The following RUNDC3B variants were observed in gnomAD, a reference collection of about 807,000 sequenced individuals.
RUNDC3B encodes RUN domain-containing protein 3B.
A neutral mutation model predicts 58.4 loss-of-function variants in RUNDC3B; 33 were observed. The ratio of observed to expected loss-of-function variants is 0.56; its 90% CI spans 0.43 to 0.75. The LOEUF is 0.75. RUNDC3B is among the 30% of genes least tolerant of loss of function. The probability of loss-of-function intolerance (pLI) is 0.00; values close to 1 mark genes in which losing one functional copy is unlikely to be tolerated. For synonymous variants in RUNDC3B, 193 were observed against 195.2 expected (o/e 0.99, Z 0.10); for missense variants, 501 against 535.7 (o/e 0.94, Z 0.64).
intron 2 of RUNDC3B, among the ~76,000 whole-genome samples, chr7:87,660,908 C>G (rs1300213856): frequency 1.3e-5 from 2 of 151,754 alleles, no homozygotes; most frequent in Non-Finnish European, 2.9e-5. Flanking sequence ...GAGTTATAGT[C>G]AGAATTTGGT....
At position 87,640,925 on chromosome 7, in the gene RUNDC3B, A is replaced by G. The variant is rs559831480; in HGVS notation, c.123-9897A>G. On this transcript the variant is annotated intron_variant, in intron 1 of 10. Coordinates refer to ENST00000394654, the MANE Select transcript of RUNDC3B (RefSeq NM_001134405.2). Reference sequence around the variant, plus strand: ...ATTTTAAAAACCTGTCTTTTTACCTATGTACTTCATTTCTTCTCATCTCTT... The same window carrying G: ...ATTTTAAAAACCTGTCTTTTTACCTGTGTACTTCATTTCTTCTCATCTCTT... 5.3e-5 allele frequency among the ~76,000 whole-genome samples: 8 copies of G among 152,072 alleles called. No individual in the cohort carries two copies. In the South Asian group the frequency reaches 1.5e-3, roughly 28 times the overall value.
At chr7:87,715,068 C>G (rs1260358904) in intron 4 of RUNDC3B, among the ~76,000 whole-genome samples, 1 of 150,962 alleles carries the variant, frequency 6.6e-6, no homozygotes, top group Admixed American at 6.7e-5. Context: ...ACATCTTTCT[C>G]TATTCCTTTC....
chr7:87,664,416 C>T (rs993237602), intron 2 of RUNDC3B, among the ~76,000 whole-genome samples: 1 of 152,062 alleles, frequency 6.6e-6, no homozygotes, highest in African/African-American at 2.4e-5. Flanking sequence ...GATCAATTCT[C>T]AAAGGAATAC....
intron 2 of RUNDC3B, among the ~76,000 whole-genome samples, chr7:87,661,976 T>G (rs2130455825): frequency 6.6e-6 from 1 of 152,248 alleles, no homozygotes; most frequent in African/African-American, 2.4e-5. Context: ...ATCATTGTAC[T>G]TTTGATTTGC....
chr7:87,769,070 A>G (rs1277485366), intron 6 of RUNDC3B, among the ~76,000 whole-genome samples: 6 of 152,030 alleles, frequency 3.9e-5, no homozygotes, highest in Non-Finnish European at 5.9e-5. Context: ...GCACAATCTC[A>G]GCTTACTGCA....
At chr7:87,684,101 TA>T (rs574907890) in intron 2 of RUNDC3B, among the ~76,000 whole-genome samples, 3 of 152,168 alleles carry the variant, frequency 2.0e-5, no homozygotes, top group African/African-American at 4.8e-5. Context: ...TAATTCATGT[TA>T]AAAAAAATCT....
intron 3 of RUNDC3B, chr7:87,709,450 T>G: frequency 1.0e-6 from 1 of 985,396 alleles, no homozygotes; most frequent in Non-Finnish European, 1.2e-6. Flanking sequence ...TCCCCTAGGC[T>G]TACTCAGAAG....
At chr7:87,759,080 A>G (rs1250286265) in intron 6 of RUNDC3B, among the ~76,000 whole-genome samples, 4 of 152,340 alleles carry the variant, frequency 2.6e-5, no homozygotes, top group East Asian at 3.9e-4. Flanking sequence ...GTGGGATCAT[A>G]CTAAGTATCC....
chr7:87,801,621 T>A (rs1386384020), intron 8 of RUNDC3B, among the ~76,000 whole-genome samples: 2 of 151,848 alleles, frequency 1.3e-5, no homozygotes, highest in Non-Finnish European at 2.9e-5. Context: ...AAAAAAAAAT[T>A]AGCTGGGCGT....
chr7:87,827,224 A>C (rs1051998890), intron 10 of RUNDC3B, among the ~76,000 whole-genome samples: 1 of 152,226 alleles, frequency 6.6e-6, no homozygotes, highest in African/African-American at 2.4e-5. Flanking sequence ...ATGGTGGCTC[A>C]TGCCTGTAAT....
At chr7:87,663,147 C>A (rs1824881327) in intron 2 of RUNDC3B, among the ~76,000 whole-genome samples, 1 of 152,110 alleles carries the variant, frequency 6.6e-6, no homozygotes, top group South Asian at 2.1e-4. Context: ...TTGGTGAATT[C>A]TTTAGGTTAT....
At chr7:87,656,792 A>T (rs959057164) in intron 2 of RUNDC3B, among the ~76,000 whole-genome samples, 6 of 152,198 alleles carry the variant, frequency 3.9e-5, no homozygotes, top group African/African-American at 1.4e-4. Flanking sequence ...AAACTTATTT[A>T]TCCATCACTA....
At chr7:87,671,343 C>A (rs1825806597) in intron 2 of RUNDC3B, among the ~76,000 whole-genome samples, 1 of 152,270 alleles carries the variant, frequency 6.6e-6, no homozygotes, top group Middle Eastern at 3.4e-3. Context: ...CCCCTAGAGG[C>A]CCTGTCCAGG....
Position 87,803,161 on chromosome 7 carries a change from T to C in RUNDC3B, c.957-4212T>C, listed in dbSNP as rs566305501. 5.3e-5 allele frequency among the ~76,000 whole-genome samples: 8 copies of C among 152,270 alleles called. No homozygotes were observed. In the East Asian group the frequency reaches 1.5e-3, roughly 29 times the overall value. ...GCTAGGTTCCACAGAATAAATTGTA[T>C]TTATTGACTTTTTCTGTCATTCCCA... On this transcript the variant is annotated intron_variant, in intron 8 of 10. Coordinates refer to ENST00000394654, the MANE Select transcript of RUNDC3B (RefSeq NM_001134405.2).
At chr7:87,769,617 T>TATTA (rs1834162044) in intron 6 of RUNDC3B, among the ~76,000 whole-genome samples, 2 of 152,172 alleles carry the variant, frequency 1.3e-5, no homozygotes. Context: ...TTTTTAAGTA[T>TATTA]ATTAACACCA....
At chr7:87,715,451 AATT>A (rs1830499449) in intron 4 of RUNDC3B, among the ~76,000 whole-genome samples, 1 of 129,824 alleles carries the variant, frequency 7.7e-6, no homozygotes, top group African/African-American at 2.9e-5. Flanking sequence ...TATAATATAT[AATT>A]ATATTATATT....
chr7:87,659,195 C>A, intron 2 of RUNDC3B: 1 of 425,738 alleles, frequency 2.3e-6, no homozygotes, highest in Non-Finnish European at 4.7e-6. Flanking sequence ...TTTGGAATAA[C>A]AGGAAGAAAG....
chr7:87,731,495 G>A (rs772410094), intron 4 of RUNDC3B, among the ~76,000 whole-genome samples: 1 of 151,924 alleles, frequency 6.6e-6, no homozygotes, highest in Non-Finnish European at 1.5e-5. Flanking sequence ...GAAAACCAAG[G>A]CCCCAAAATT....
intron 7 of RUNDC3B, among the ~76,000 whole-genome samples, chr7:87,773,322 C>CAAA (rs760846940): frequency 1.2e-4 from 7 of 58,110 alleles, no homozygotes; most frequent in Non-Finnish European, 1.8e-4. Flanking sequence ...GACTCCGTCT[C>CAAA]AAAAAAAAAA....
Sources: gnomAD v4.1 joint callset for allele counts (sites outside exome capture counted in the v4.1 genomes callset) on GRCh38, gnomAD v4.1.1 for gene constraint, MANE v1.5 for transcripts, NCBI Gene and HGNC (gene_info 2026-07-23, HGNC 2026-07-21) for gene names.